Variants in ASAP2 observed in about 807,000 individuals in gnomAD.
ASAP2 encodes arf-GAP with SH3 domain, ANK repeat and PH domain-containing protein 2.
Under a neutral mutation model 131.4 loss-of-function variants are expected in ASAP2, and 45 were observed. That is an observed-to-expected ratio of 0.34 (90% CI 0.27 to 0.44). The LOEUF is 0.44. ASAP2 is among the 20% of genes least tolerant of loss of function. The probability of loss-of-function intolerance (pLI) is 1.00; values close to 1 mark genes in which losing one functional copy is unlikely to be tolerated. For synonymous variants in ASAP2, 510 were observed against 503.0 expected (o/e 1.01, Z -0.19); for missense variants, 1,011 against 1,297.0 (o/e 0.78, Z 3.39).
Position 9,378,983 on chromosome 2 carries a change from C to A in ASAP2, c.1872C>A (p.Ala624=). The A allele has an allele frequency of 6.4e-7, 1 of 1,562,974 alleles. No individual in the cohort carries two copies. Reference sequence around the variant, plus strand: ...AACAGACAGGGAAAGGCAGCACAGCCCTGCACTACTGCTGCCTGACCGACA... The same window carrying A: ...AACAGACAGGGAAAGGCAGCACAGCACTGCACTACTGCTGCCTGACCGACA... ...LDKQTGKGST[A]LHYCCLTDNA... Residue 624 remains alanine (A), a synonymous_variant, in exon 19 of 28, where the codon GCC becomes GCA. Coordinates refer to ENST00000281419, the MANE Select transcript of ASAP2 (RefSeq NM_003887.3).
At chr2:9,373,847 G>T (rs1055469168) in intron 16 of ASAP2, among the ~76,000 whole-genome samples, 4 of 152,200 alleles carry the variant, frequency 2.6e-5, no homozygotes, top group South Asian at 2.1e-4. Flanking sequence ...TCAGAATTGG[G>T]ATTGTAAAAT....
At chr2:9,240,204 A>G (rs1181452876) in intron 1 of ASAP2, among the ~76,000 whole-genome samples, 1 of 151,448 alleles carries the variant, frequency 6.6e-6, no homozygotes, top group Non-Finnish European at 1.5e-5. Flanking sequence ...TTTGCCTTCA[A>G]TCACGACATG....
chr2:9,369,694 T>G (rs1673783277), intron 16 of ASAP2, among the ~76,000 whole-genome samples: 1 of 152,176 alleles, frequency 6.6e-6, no homozygotes, highest in Non-Finnish European at 1.5e-5. Context: ...TATTTAAAAA[T>G]TCATTTACAG....
intron 1 of ASAP2, among the ~76,000 whole-genome samples, chr2:9,216,874 T>G (rs1487013793): frequency 1.3e-5 from 2 of 152,136 alleles, no homozygotes; most frequent in Non-Finnish European, 2.9e-5. Context: ...GCTGGTATTA[T>G]AGGCGTGAAC....
chr2:9,244,307 A>G lies in ASAP2; in HGVS notation c.127-35010A>G, dbSNP rs186645464. The stretch of plus-strand genomic sequence containing the variant: ...TGAGACCCTGTCTCAAAACAACAAC[A>G]ATAAAAAGAATTTGAATATGTTCAG... On this transcript the variant is annotated intron_variant, in intron 1 of 27. Coordinates refer to ENST00000281419, the MANE Select transcript of ASAP2 (RefSeq NM_003887.3). Among the ~76,000 whole-genome samples, 217 of 152,350 alleles carry G rather than the reference A, an allele frequency of 1.4e-3. 1 individual carries two copies. The highest frequency in any genetic ancestry group is 2.5e-3 in the Non-Finnish European group (169 of 68,034).
intron 16 of ASAP2, among the ~76,000 whole-genome samples, chr2:9,373,918 CT>C (rs1272718945): frequency 6.6e-6 from 1 of 152,206 alleles, no homozygotes; most frequent in Non-Finnish European, 1.5e-5. Flanking sequence ...TTCACTGGGT[CT>C]TTCCAAGGCC....
intron 7 of ASAP2, among the ~76,000 whole-genome samples, chr2:9,334,466 T>G (rs947212309): frequency 1.2e-4 from 18 of 152,212 alleles, no homozygotes; most frequent in Admixed American, 4.6e-4. Flanking sequence ...ACCTCTCCCG[T>G]TATAAACTGA....
At chr2:9,253,108 T>C (rs1353882771) in intron 1 of ASAP2, among the ~76,000 whole-genome samples, 2 of 152,114 alleles carry the variant, frequency 1.3e-5, no homozygotes, top group Non-Finnish European at 2.9e-5. Flanking sequence ...TTAAAAAGTT[T>C]TTAAAGTCAG....
intron 21 of ASAP2, 49 bp downstream of exon 21, chr2:9,385,407 G>A (rs779925202): frequency 7.2e-7 from 1 of 1,395,274 alleles, no homozygotes; most frequent in East Asian, 2.3e-5. Flanking sequence ...GCTTCATCCA[G>A]AACAGTGTGG....
At position 9,344,523 on chromosome 2, in the gene ASAP2, A is replaced by G. The variant is rs767296380; in HGVS notation, c.850-9A>G. ...CAAGATTAAAAACACACTCTTCACCATTTTTTAGGACTCCCAAATTCGTCA... is the reference window on the plus strand; with the variant it reads ...CAAGATTAAAAACACACTCTTCACCGTTTTTTAGGACTCCCAAATTCGTCA... On this transcript the variant is annotated splice_polypyrimidine_tract_variant and intron_variant, in intron 9 of 27. Coordinates refer to ENST00000281419, the MANE Select transcript of ASAP2 (RefSeq NM_003887.3). 2 of 1,610,832 alleles carry G rather than the reference A, an allele frequency of 1.2e-6. No homozygotes were observed. The highest frequency in any genetic ancestry group is 1.3e-5 in the African/African-American group (1 of 74,804).
At chr2:9,219,408 A>G (rs542573316) in intron 1 of ASAP2, among the ~76,000 whole-genome samples, 1 of 152,198 alleles carries the variant, frequency 6.6e-6, no homozygotes, top group African/African-American at 2.4e-5. Flanking sequence ...TTAACTGTGT[A>G]TCTGGTCTGT....
At chr2:9,272,704 TA>T (rs1307052333) in intron 1 of ASAP2, among the ~76,000 whole-genome samples, 1 of 152,236 alleles carries the variant, frequency 6.6e-6, no homozygotes, top group East Asian at 1.9e-4. Context: ...TTTAAGTCTT[TA>T]ATCCATTTTG....
chr2:9,228,684 A>G (rs964710252), intron 1 of ASAP2, among the ~76,000 whole-genome samples: 3 of 152,216 alleles, frequency 2.0e-5, no homozygotes, highest in Non-Finnish European at 4.4e-5. Context: ...CCTCTGGATC[A>G]TTGAATTTCT....
At chr2:9,319,035 C>A (rs1669979511) in intron 4 of ASAP2, among the ~76,000 whole-genome samples, 1 of 152,166 alleles carries the variant, frequency 6.6e-6, no homozygotes, top group Non-Finnish European at 1.5e-5. Context: ...TCTCTCTGTC[C>A]TTCAGAGGAT....
At chr2:9,240,136 T>TG (rs373450589) in intron 1 of ASAP2, among the ~76,000 whole-genome samples, 7 of 152,140 alleles carry the variant, frequency 4.6e-5, no homozygotes, top group African/African-American at 1.7e-4. Flanking sequence ...CCATTATCCC[T>TG]GGGGGGTATG....
Position 9,391,098 on chromosome 2 carries a change from C to T in ASAP2, c.2420C>T (p.Thr807Ile). Residue 807 changes from threonine (T) to isoleucine (I), a missense_variant, in exon 23 of 28, where the codon ACA (threonine) becomes ATA (isoleucine). Thr to Ile is a moderately conservative substitution (Grantham distance 89, BLOSUM62 -1). Transcript: ENST00000281419. ...TCCTCTGCTAACACCCTGTGGAAGA[C>T]AAACTCTGTAAGTGTGGACGGTGGA... ...TASSANTLWK[T>I]NSVSVDGGSR... 6.2e-7 allele frequency: 1 copy of T among 1,614,278 alleles called. No individual in the cohort carries two copies. The highest frequency in any genetic ancestry group is 8.5e-7 in the Non-Finnish European group (1 of 1,180,062).
At chr2:9,397,115 A>T (rs1362100317) in intron 24 of ASAP2, among the ~76,000 whole-genome samples, 3 of 152,232 alleles carry the variant, frequency 2.0e-5, no homozygotes, top group Non-Finnish European at 4.4e-5. Context: ...TCTATACCAA[A>T]GTGGCCACAG....
In ASAP2 at chr2:9,207,497, G is replaced by T. The variant is rs891631691; in HGVS notation, c.126+267G>T. ...CGCGGCCTGGTCTTTTCCCCGCAGC[G>T]CGGCCAACTTTGTCCAGAGTCGGGG... On this transcript the variant is annotated intron_variant, in intron 1 of 27. Transcript: ENST00000281419. This position sits in a 1 kb window ranked among gnomAD's most constrained non-coding sequence, Gnocchi z 4.1. Among the ~76,000 whole-genome samples, 2 of 151,930 alleles carry T rather than the reference G, an allele frequency of 1.3e-5. No individual in the cohort carries two copies. The highest frequency in any genetic ancestry group is 4.8e-5 in the African/African-American group (2 of 41,378).
chr2:9,371,426 A>C (rs192779945), intron 16 of ASAP2, among the ~76,000 whole-genome samples: 1 of 152,340 alleles, frequency 6.6e-6, no homozygotes, highest in East Asian at 1.9e-4. Flanking sequence ...ACCAGTGACT[A>C]TTTAATGAAT....
Sources: allele counts gnomAD v4.1 joint callset (sites outside exome capture counted in the v4.1 genomes callset), GRCh38; gene constraint gnomAD v4.1.1; non-coding constraint Gnocchi (gnomAD v3.1); transcripts MANE v1.5; gene names NCBI Gene and HGNC (gene_info 2026-07-23, HGNC 2026-07-21).